Variants in DMD observed in about 807,000 individuals in gnomAD.
The protein encoded by DMD is mutant dystrophin.
In DMD, 63 loss-of-function variants were observed where a neutral mutation model predicts 330.1. The observed-to-expected ratio is 0.19, with a 90% CI of 0.16 to 0.24. DMD has a LOEUF of 0.24. Ranked by LOEUF, DMD falls within the 10% of genes least tolerant of loss-of-function variation. The probability of loss-of-function intolerance (pLI) is 1.00; values close to 1 mark genes in which losing one functional copy is unlikely to be tolerated. For missense variants in DMD, 3,344 were observed against 2,684.1 expected, an observed-to-expected ratio of 1.25 and a Z score of -5.43; for synonymous variants, 1,223 against 959.8, an observed-to-expected ratio of 1.27 and a Z score of -5.07.
chrX:31,696,094 T>G (rs917045791), intron 52 of DMD, among the ~76,000 whole-genome samples: 1 of 111,200 alleles, frequency 9.0e-6, no homozygotes, highest in Non-Finnish European at 1.9e-5. Context: ...ATTATTTGAG[T>G]TGTAATTCCA....
rs867297745 is a variant in DMD, at chrX:32,229,664, A to C, written c.6291-12601T>G. Among the ~76,000 whole-genome samples, 198 of 79,718 alleles carry C rather than the reference A, an allele frequency of 2.5e-3. 3 individuals carry two copies. Among genetic ancestry groups the C allele is most frequent in the Middle Eastern group, 0.018 (3 of 164 alleles). The allele number at this position is 79,718 out of a possible 115,157, so 69.2% of individuals were successfully genotyped here. Reference sequence around the variant, plus strand: ...ACATATTTTACATATATATATATATATCTCAAAGAGTTTCATCATATATAT... The same window carrying C: ...ACATATTTTACATATATATATATATCTCTCAAAGAGTTTCATCATATATAT... On this transcript the variant is annotated intron_variant, in intron 43 of 78. Transcript: ENST00000357033.
chrX:32,790,638 C>G (rs977498577), intron 7 of DMD, among the ~76,000 whole-genome samples: 4 of 111,614 alleles, frequency 3.6e-5, no homozygotes, highest in Non-Finnish European at 5.6e-5. Context: ...GGGGCCAAGG[C>G]AGGAACCACT....
At chrX:32,816,381 A>G in intron 6 of DMD, 87 bp downstream of exon 6, 2 of 1,028,490 alleles carry the variant, frequency 1.9e-6, no homozygotes, top group Non-Finnish European at 2.7e-6. Context: ...GTAGGACATG[A>G]TCTGGAACCA....
chrX:32,885,820 T>G (rs1224575997), intron 2 of DMD, among the ~76,000 whole-genome samples: 2 of 46,692 alleles, frequency 4.3e-5, no homozygotes, highest in Admixed American at 3.6e-4. Flanking sequence ...TTGTTTCCCT[T>G]GAGGGGGAAA....
At chrX:32,270,181 T>C (rs1482125885) in intron 43 of DMD, among the ~76,000 whole-genome samples, 1 of 112,490 alleles carries the variant, frequency 8.9e-6, no homozygotes, top group Admixed American at 9.5e-5. Context: ...CCAAGTGTGC[T>C]GAAGCACAAG....
chrX:31,266,981 G>C, intron 62 of DMD: 1 of 920,137 alleles, frequency 1.1e-6, no homozygotes, highest in Non-Finnish European at 1.4e-6. Flanking sequence ...GCGGGCCGGG[G>C]AGGGGGCGCT....
chrX:32,736,644 T>C (rs1603309841), intron 7 of DMD, among the ~76,000 whole-genome samples: 1 of 109,338 alleles, frequency 9.1e-6, no homozygotes. Flanking sequence ...GAAATCATCA[T>C]TCTCAGTAAA....
chrX:31,484,360 C>A (rs986960007), intron 57 of DMD, among the ~76,000 whole-genome samples: 1 of 111,740 alleles, frequency 8.9e-6, no homozygotes, highest in South Asian at 3.8e-4. Context: ...ATACAGAATA[C>A]GTATTTACAA....
intron 55 of DMD, among the ~76,000 whole-genome samples, chrX:31,594,469 A>G (rs1172628923): frequency 8.9e-6 from 1 of 111,747 alleles, no homozygotes; most frequent in Non-Finnish European, 1.9e-5. Context: ...TTTCTGAATC[A>G]TCAAAAAAAT....
At chrX:32,726,112 A>G (rs1296120033) in intron 7 of DMD, among the ~76,000 whole-genome samples, 5 of 111,527 alleles carry the variant, frequency 4.5e-5, no homozygotes, top group African/African-American at 1.6e-4. Flanking sequence ...ATTACAGCTG[A>G]AGAATCTACG....
chrX:32,394,048 A>G (rs755699932), intron 30 of DMD, among the ~76,000 whole-genome samples: 2 of 112,107 alleles, frequency 1.8e-5, no homozygotes, highest in African/African-American at 6.5e-5. Flanking sequence ...TCCACACATA[A>G]TAAAATTCAG....
chrX:32,328,572 T>C (rs2097663381), intron 41 of DMD, among the ~76,000 whole-genome samples: 1 of 111,111 alleles, frequency 9.0e-6, no homozygotes, highest in Non-Finnish European at 1.9e-5. Flanking sequence ...TTCCTCATTC[T>C]GAAACTTCAA....
chrX:32,190,889 C>G (rs2096972355), intron 44 of DMD, among the ~76,000 whole-genome samples: 1 of 109,128 alleles, frequency 9.2e-6, no homozygotes, highest in African/African-American at 3.3e-5. Flanking sequence ...TTTAGGATTT[C>G]CTGGTATCTT....
At chrX:32,831,908 A>G (rs1311141322) in intron 4 of DMD, among the ~76,000 whole-genome samples, 13 of 111,036 alleles carry the variant, frequency 1.2e-4, no homozygotes, top group Non-Finnish European at 2.1e-4. Flanking sequence ...TCTTTATAAT[A>G]TATGGTGTCT....
intron 50 of DMD, among the ~76,000 whole-genome samples, chrX:31,815,009 C>A (rs754313090): frequency 1.8e-5 from 2 of 112,286 alleles, no homozygotes; most frequent in East Asian, 5.6e-4. Context: ...TTCCCTTTAG[C>A]ATTCACAGCA....
rs374242532 is a variant in DMD, at chrX:31,667,957, C to T, written c.7873-9813G>A. Among the ~76,000 whole-genome samples, 5 of 111,864 alleles carry T rather than the reference C, an allele frequency of 4.5e-5. No individual in the cohort carries two copies. The East Asian group carries it at 1.4e-3, about 31-fold the overall frequency. On this transcript the variant is annotated intron_variant, in intron 53 of 78. Transcript: ENST00000357033. ...TTATTGTCTGTATTTTTTGTATTAG[C>T]CATCCTAGTGGGTAAAAAGTACTAT...
At chrX:32,897,167 A>G (rs2085798618) in intron 2 of DMD, among the ~76,000 whole-genome samples, 2 of 111,853 alleles carry the variant, frequency 1.8e-5, no homozygotes, top group African/African-American at 6.5e-5. Context: ...TTAGAAGTTC[A>G]AAACAAGGCT....
At chrX:32,062,073 C>T (rs988123961) in intron 44 of DMD, among the ~76,000 whole-genome samples, 3 of 110,907 alleles carry the variant, frequency 2.7e-5, no homozygotes, top group African/African-American at 9.8e-5. Context: ...TTAAAATCTC[C>T]TGGAAAATAT....
At chrX:31,810,549 T>C (rs755244303) in intron 50 of DMD, among the ~76,000 whole-genome samples, 7 of 111,691 alleles carry the variant, frequency 6.3e-5, no homozygotes, top group Non-Finnish European at 1.1e-4. Context: ...AAGAAGAGAG[T>C]TGGCAGTTAC....
Sources: gnomAD v4.1 joint callset for allele counts (sites outside exome capture counted in the v4.1 genomes callset) on GRCh38, gnomAD v4.1.1 for gene constraint, MANE v1.5 for transcripts, NCBI Gene and HGNC (gene_info 2026-07-23, HGNC 2026-07-21) for gene names.